ASIC2: variants seen among roughly 807,000 people sequenced by gnomAD.
ASIC2 encodes the protein acid sensing ion channel subunit 2.
A neutral mutation model predicts 57.3 loss-of-function variants in ASIC2; 25 were observed. The ratio of observed to expected loss-of-function variants is 0.44; its 90% CI spans 0.32 to 0.61. The LOEUF (loss-of-function observed/expected upper bound fraction) is 0.61, where lower values mean the gene tolerates loss of function less well. Among genes scored for constraint, ASIC2 ranks in the 20% least tolerant of loss-of-function variants. The pLI is 0.06. For missense variants in ASIC2, 641 were observed against 738.1 expected, an observed-to-expected ratio of 0.87 and a Z score of 1.52; for synonymous variants, 319 against 307.5, an observed-to-expected ratio of 1.04 and a Z score of -0.39.
chr17:33,136,875 G>A (rs116825591), intron 1 of ASIC2, among the ~76,000 whole-genome samples: 3 of 152,162 alleles, frequency 2.0e-5, no homozygotes, highest in African/African-American at 2.4e-5. Context: ...TTGCAAAAAG[G>A]GATGTGGAGT....
intron 1 of ASIC2, among the ~76,000 whole-genome samples, chr17:33,745,190 G>A (rs1482809978): frequency 6.6e-6 from 1 of 152,158 alleles, no homozygotes; most frequent in Non-Finnish European, 1.5e-5. Flanking sequence ...TCCGCCTGAT[G>A]AAAGGGCCAG....
chr17:33,475,708 T>C, intron 1 of ASIC2, among the ~76,000 whole-genome samples: 1 of 152,170 alleles, frequency 6.6e-6, no homozygotes, highest in East Asian at 1.9e-4. Context: ...TTTTTCAGTG[T>C]AACAGCGTGG....
At chr17:33,179,222 T>A (rs557445130) in intron 1 of ASIC2, among the ~76,000 whole-genome samples, 1 of 152,302 alleles carries the variant, frequency 6.6e-6, no homozygotes, top group South Asian at 2.1e-4. Context: ...GCTCCTTCCA[T>A]CCTTCCAGTT....
At chr17:33,701,992 C>G (rs1057459098) in intron 1 of ASIC2, among the ~76,000 whole-genome samples, 2 of 152,178 alleles carry the variant, frequency 1.3e-5, no homozygotes, top group Non-Finnish European at 2.9e-5. Flanking sequence ...GCGTTGAGCT[C>G]GGCTGTGCCA....
At chr17:33,538,017 G>T (rs756404763) in intron 1 of ASIC2, among the ~76,000 whole-genome samples, 5 of 152,186 alleles carry the variant, frequency 3.3e-5, no homozygotes, top group Non-Finnish European at 7.3e-5. Context: ...GTAGAAAAGG[G>T]TTAATGATAT....
intron 1 of ASIC2, among the ~76,000 whole-genome samples, chr17:33,878,287 GC>G (rs1229137281): frequency 1.3e-5 from 2 of 152,326 alleles, no homozygotes; most frequent in South Asian, 2.1e-4. Context: ...AGAGAAGAAG[GC>G]TTCAGATGAT....
intron 1 of ASIC2, among the ~76,000 whole-genome samples, chr17:33,724,089 A>G (rs562026522): frequency 5.3e-5 from 8 of 152,218 alleles, no homozygotes; most frequent in African/African-American, 1.4e-4. Flanking sequence ...TGTTCTCATG[A>G]TAGTGAATAA....
At chr17:33,475,307 A>G (rs79426086) in intron 1 of ASIC2, among the ~76,000 whole-genome samples, 3 of 152,184 alleles carry the variant, frequency 2.0e-5, no homozygotes, top group Non-Finnish European at 4.4e-5. Context: ...TTTAAAAAAA[A>G]AGAAATAAAA....
chr17:33,904,163 CAAAAAAA>C (rs769795292), intron 1 of ASIC2, among the ~76,000 whole-genome samples: 1 of 55,856 alleles, frequency 1.8e-5, no homozygotes, highest in Non-Finnish European at 3.1e-5. Flanking sequence ...AACTCCGTCT[CAAAAAAA>C]AAAAAAAAAA....
intron 1 of ASIC2, among the ~76,000 whole-genome samples, chr17:33,653,748 G>A (rs934687396): frequency 3.9e-5 from 6 of 152,174 alleles, no homozygotes; most frequent in Admixed American, 3.9e-4. Flanking sequence ...TTGTGATATA[G>A]AAGAAGAAAC....
intron 1 of ASIC2, chr17:33,936,454 C>T (rs192271069): frequency 2.6e-4 from 40 of 152,286 alleles, no homozygotes; most frequent in African/African-American, 8.7e-4. Flanking sequence ...GTGAGGCAGC[C>T]AAGCTGAGGT....
At chr17:33,479,753 C>G (rs371999532) in intron 1 of ASIC2, among the ~76,000 whole-genome samples, 1 of 152,158 alleles carries the variant, frequency 6.6e-6, no homozygotes, top group Non-Finnish European at 1.5e-5. Context: ...ACCAGGCCTT[C>G]GCAAGGAGAC....
At chr17:33,613,427 C>T (rs374692485) in intron 1 of ASIC2, among the ~76,000 whole-genome samples, 3 of 145,402 alleles carry the variant, frequency 2.1e-5, no homozygotes, top group Non-Finnish European at 3.0e-5. Context: ...TGCAGTGTTG[C>T]GATCTCGGCT....
intron 1 of ASIC2, among the ~76,000 whole-genome samples, chr17:34,136,590 C>T (rs529367508): frequency 2.0e-5 from 3 of 152,172 alleles, no homozygotes; most frequent in Non-Finnish European, 2.9e-5. Flanking sequence ...TTGGAAGGCC[C>T]CCTTCCCTTT....
At chr17:34,082,949 T>C (rs1486995477) in intron 1 of ASIC2, among the ~76,000 whole-genome samples, 1 of 152,210 alleles carries the variant, frequency 6.6e-6, no homozygotes, top group Non-Finnish European at 1.5e-5. Flanking sequence ...GGAGATATGC[T>C]TCTCTTTCTT....
intron 1 of ASIC2, among the ~76,000 whole-genome samples, chr17:33,946,665 G>A (rs1904384390): frequency 6.6e-6 from 1 of 152,188 alleles, no homozygotes; most frequent in Non-Finnish European, 1.5e-5. Flanking sequence ...AAAGAGAGAT[G>A]GAGAAGGCTG....
chr17:33,968,710 A>G (rs1250663464), intron 1 of ASIC2, among the ~76,000 whole-genome samples: 1 of 152,176 alleles, frequency 6.6e-6, no homozygotes, highest in African/African-American at 2.4e-5. Flanking sequence ...GTGCGGCCCC[A>G]TTACCGCCAT....
chr17:33,901,348 T>TGG (rs1915227422), intron 1 of ASIC2, among the ~76,000 whole-genome samples: 1 of 152,184 alleles, frequency 6.6e-6, no homozygotes, highest in Non-Finnish European at 1.5e-5. Context: ...CAGTTTATCC[T>TGG]GGGTCCTACA....
intron 1 of ASIC2, among the ~76,000 whole-genome samples, chr17:33,463,107 C>T (rs1369652835): frequency 1.3e-5 from 2 of 152,204 alleles, no homozygotes; most frequent in African/African-American, 4.8e-5. Flanking sequence ...CCACTCACTC[C>T]TTTTGAATTA....
Sources: allele counts gnomAD v4.1 joint callset (sites outside exome capture counted in the v4.1 genomes callset), GRCh38; gene constraint gnomAD v4.1.1; transcripts MANE v1.5; gene names NCBI Gene and HGNC (gene_info 2026-07-23, HGNC 2026-07-21).